The following CSNK2A2 variants were observed in gnomAD, a reference collection of about 807,000 sequenced individuals.
CSNK2A2 encodes the protein casein kinase 2 alpha 2.
A neutral mutation model predicts 54.0 loss-of-function variants in CSNK2A2; 8 were observed. The observed-to-expected ratio is 0.15, with a 90% CI of 0.09 to 0.27. The LOEUF is 0.27. Ranked by LOEUF, CSNK2A2 falls within the 10% of genes least tolerant of loss-of-function variation. The pLI, the probability that CSNK2A2 is intolerant of heterozygous loss-of-function variation, is 1.00. For missense variants in CSNK2A2, 242 were observed against 439.4 expected, an observed-to-expected ratio of 0.55 and a Z score of 4.02; for synonymous variants, 141 against 153.9, an observed-to-expected ratio of 0.92 and a Z score of 0.62.
rs1004883982 is a variant in CSNK2A2, at chr16:58,197,354, C to G, written c.104+279G>C. Among the ~76,000 whole-genome samples the G allele has an allele frequency of 3.3e-5, 5 of 152,258 alleles. No individual in the cohort carries two copies. Among genetic ancestry groups the G allele is most frequent in the Non-Finnish European group, 4.4e-5 (3 of 68,044 alleles). On this transcript the variant is annotated intron_variant, in intron 1 of 11. Transcript: ENST00000262506. The surrounding 1 kb of genome is among the most constrained non-coding windows in gnomAD (Gnocchi z 4.0). The stretch of plus-strand genomic sequence containing the variant: ...AGTGTGAGGAAGGGCAGCTCCCTCA[C>G]TTCCACCCGGCGTCGATCCCTGGAC...
chr16:58,191,678 T>G (rs1962325187), intron 2 of CSNK2A2, among the ~76,000 whole-genome samples: 1 of 140,800 alleles, frequency 7.1e-6, no homozygotes, highest in South Asian at 2.3e-4. Context: ...TACATGTATT[T>G]TAACACAATT....
chr16:58,195,159 A>G (rs894444885), intron 2 of CSNK2A2, among the ~76,000 whole-genome samples: 1 of 149,206 alleles, frequency 6.7e-6, no homozygotes, highest in Non-Finnish European at 1.5e-5. Context: ...ATGGCTTTCT[A>G]AGGTAATTTT....
intron 3 of CSNK2A2, among the ~76,000 whole-genome samples, chr16:58,184,612 T>C (rs78390789): frequency 0.017 from 2,535 of 152,348 alleles, 15 homozygotes; most frequent in Non-Finnish European, 0.026. Context: ...TTTCATTTAC[T>C]TTTGAAAATG....
chr16:58,168,747 A>G lies in CSNK2A2; in HGVS notation c.430-54T>C, dbSNP rs569216926. On this transcript the variant is annotated intron_variant, in intron 5 of 11. Transcript: ENST00000262506. ...TAAGCAACCCCTCTACCATCCCCCAACGCAAGCATAGTCTTATTGTTTGTG... is the reference window on the plus strand; with the variant it reads ...TAAGCAACCCCTCTACCATCCCCCAGCGCAAGCATAGTCTTATTGTTTGTG... 1.5e-4 allele frequency: 200 copies of G among 1,326,186 alleles called. 1 individual carries two copies. Among genetic ancestry groups the G allele is most frequent in the Non-Finnish European group, 2.1e-4 (195 of 922,458 alleles). 82.2% of individuals were successfully genotyped at this position (1,326,186 alleles called of 1,614,324 possible).
At position 58,197,692 on chromosome 16, in the gene CSNK2A2, C is replaced by G; in HGVS notation, c.45G>C (p.Glu15Asp). 6.4e-7 allele frequency: 1 copy of G among 1,564,364 alleles called. No individual in the cohort carries two copies. The highest frequency in any genetic ancestry group is 8.6e-7 in the Non-Finnish European group (1 of 1,158,552). The stretch of plus-strand genomic sequence containing the variant: ...ACTCGCGGCTCCTCAGACTGTTCAC[C>G]TCGGCGTAGACCCGGGCCCTGCTGC... ...AAGSRARVYA[E>D]VNSLRSREYW... The change falls in exon 1 of 12, where the codon GAG becomes GAC. Residue 15 changes from glutamate (E) to aspartate (D), a missense_variant. Transcript: ENST00000262506. This position sits in a 1 kb window ranked among gnomAD's most constrained non-coding sequence, Gnocchi z 4.0.
chr16:58,174,191 C>T (rs1961815721), intron 5 of CSNK2A2: 3 of 318,354 alleles, frequency 9.4e-6, no homozygotes, highest in Non-Finnish European at 1.7e-5. Context: ...AAAGAGAAAA[C>T]ATATGGACCA....
At chr16:58,163,817 CA>C (rs752635117) in intron 11 of CSNK2A2, 11 of 372,850 alleles carry the variant, frequency 3.0e-5, no homozygotes, top group Non-Finnish European at 5.4e-5. Flanking sequence ...CCATGCATTC[CA>C]AAGGCAGAGC....
At chr16:58,196,105 G>C (rs1242246763) in intron 2 of CSNK2A2, among the ~76,000 whole-genome samples, 1 of 152,156 alleles carries the variant, frequency 6.6e-6, no homozygotes, top group African/African-American at 2.4e-5. Context: ...AGTGCTCAGG[G>C]AGCCCTTAAA....
intron 11 of CSNK2A2, chr16:58,162,946 A>G (rs1961428178): frequency 6.6e-6 from 1 of 152,240 alleles, no homozygotes; most frequent in Non-Finnish European, 1.5e-5. Context: ...CATGCAAGAC[A>G]GACTTATCTT....
At chr16:58,174,911 C>G (rs987513969) in intron 4 of CSNK2A2, among the ~76,000 whole-genome samples, 5 of 152,132 alleles carry the variant, frequency 3.3e-5, no homozygotes, top group Admixed American at 6.5e-5. Flanking sequence ...GAAGTGAGTT[C>G]TGAGTGGATG....
At chr16:58,171,979 A>ATATATATATT (rs1261137669) in intron 5 of CSNK2A2, among the ~76,000 whole-genome samples, 1 of 66,186 alleles carries the variant, frequency 1.5e-5, no homozygotes, top group African/African-American at 8.4e-5. Context: ...ATATATATAT[A>ATATATATATT]TTTTTTTTTT....
chr16:58,168,568 A>G (rs1444896582), intron 6 of CSNK2A2, 42 bp downstream of exon 6: 1 of 1,569,020 alleles, frequency 6.4e-7, no homozygotes, highest in Non-Finnish European at 8.8e-7. Flanking sequence ...GTCTGCTCTA[A>G]GCCTTTTAAT....
chr16:58,194,408 G>A (rs1423032925), intron 2 of CSNK2A2, among the ~76,000 whole-genome samples: 1 of 152,178 alleles, frequency 6.6e-6, no homozygotes, highest in African/African-American at 2.4e-5. Flanking sequence ...AATGCCATTA[G>A]TGATATATTA....
Position 58,197,247 on chromosome 16 carries a change from C to T in CSNK2A2, c.104+386G>A, listed in dbSNP as rs1210634575. On this transcript the variant is annotated intron_variant, in intron 1 of 11. Coordinates refer to ENST00000262506, the MANE Select transcript of CSNK2A2 (RefSeq NM_001896.4). The surrounding 1 kb of genome is among the most constrained non-coding windows in gnomAD (Gnocchi z 4.0). ...TTTAAGAAATTTCCTCCCACCACCT[C>T]ATCTCAGAAAACCTAAAAGGCAGGG... 2 of 280,540 alleles carry T rather than the reference C, an allele frequency of 7.1e-6. No individual in the cohort carries two copies. Among genetic ancestry groups the T allele is most frequent in the Non-Finnish European group, 1.4e-5 (2 of 145,962 alleles). The allele number at this position is 280,540 out of a possible 1,614,324, so 17.4% of individuals were successfully genotyped here. A position where few individuals can be genotyped will look rare whatever the true frequency, so the allele number is the denominator to read the frequency against.
intron 11 of CSNK2A2, chr16:58,163,685 C>G (rs1159464233): frequency 6.4e-6 from 1 of 157,018 alleles, no homozygotes; most frequent in Non-Finnish European, 1.4e-5. Flanking sequence ...CAAAGGAAAC[C>G]CAGACCACAA....
intron 2 of CSNK2A2, among the ~76,000 whole-genome samples, chr16:58,189,301 T>C (rs1962269386): frequency 1.3e-5 from 2 of 152,148 alleles, no homozygotes; most frequent in Non-Finnish European, 2.9e-5. Flanking sequence ...TGCTACCAGT[T>C]TAGTCAATGC....
chr16:58,181,654 A>G (rs1267951078), intron 4 of CSNK2A2, among the ~76,000 whole-genome samples: 3 of 152,224 alleles, frequency 2.0e-5, no homozygotes, highest in African/African-American at 4.8e-5. Flanking sequence ...ACTATTTTAA[A>G]AAGTTCCAAG....
At chr16:58,183,516 C>T (rs1385556514) in intron 4 of CSNK2A2, among the ~76,000 whole-genome samples, 2 of 152,116 alleles carry the variant, frequency 1.3e-5, no homozygotes, top group African/African-American at 4.8e-5. Context: ...CTCTTATTCA[C>T]TGACAGAGTT....
intron 3 of CSNK2A2, among the ~76,000 whole-genome samples, chr16:58,184,678 C>T (rs1665410052): frequency 6.6e-6 from 1 of 152,184 alleles, no homozygotes; most frequent in Admixed American, 6.5e-5. Context: ...GAATAACCTA[C>T]CAATGGCCTT....
Sources: gnomAD v4.1 joint callset for allele counts (sites outside exome capture counted in the v4.1 genomes callset) on GRCh38, gnomAD v4.1.1 for gene constraint, Gnocchi (gnomAD v3.1) non-coding constraint, MANE v1.5 for transcripts, NCBI Gene and HGNC (gene_info 2026-07-23, HGNC 2026-07-21) for gene names.